LYPD6: variants seen among roughly 807,000 people sequenced by gnomAD.
LYPD6 encodes the protein ly6/PLAUR domain-containing protein 6.
In LYPD6, 15 loss-of-function variants were observed where a neutral mutation model predicts 22.7. That is an observed-to-expected ratio of 0.66 (90% CI 0.44 to 1.02). LYPD6 has a LOEUF of 1.02. LYPD6 is among the 50% of genes least tolerant of loss of function. The pLI, the probability that LYPD6 is intolerant of heterozygous loss-of-function variation, is 0.00. For synonymous variants in LYPD6, 72 were observed against 77.5 expected, an observed-to-expected ratio of 0.93 and a Z score of 0.37; for missense variants, 189 against 208.4, an observed-to-expected ratio of 0.91 and a Z score of 0.57.
At chr2:149,333,622 A>G (rs773688308) in intron 1 of LYPD6, among the ~76,000 whole-genome samples, 2 of 152,224 alleles carry the variant, frequency 1.3e-5, no homozygotes, top group African/African-American at 2.4e-5. Flanking sequence ...GCAATTGCCT[A>G]TTAGGTACCA....
intron 1 of LYPD6, among the ~76,000 whole-genome samples, chr2:149,369,049 G>C (rs1681743718): frequency 6.6e-6 from 1 of 152,090 alleles, no homozygotes; most frequent in Non-Finnish European, 1.5e-5. Flanking sequence ...GGTGAATGTG[G>C]AGGAGACCAC....
Position 149,472,789 on chromosome 2 carries a change from ATGT to A in LYPD6, c.*1943_*1945del, listed in dbSNP as rs1241288514. The A allele has an allele frequency of 6.6e-6, 1 of 152,626 alleles. No homozygotes were observed. Among genetic ancestry groups the A allele is most frequent in the African/African-American group, 2.4e-5 (1 of 41,450 alleles). The allele number at this position is 152,626 out of a possible 1,614,324, so 9.5% of individuals were successfully genotyped here. On this transcript the variant is annotated 3_prime_UTR_variant, in exon 5 of 5. Coordinates refer to ENST00000334166, the MANE Select transcript of LYPD6 (RefSeq NM_194317.5). ...ATGAAGGTACCAAAGCTCAAACGCAATGTTGTGAAGCTGTTTCCTTCAGATTTA... is the reference window on the plus strand; with the variant it reads ...ATGAAGGTACCAAAGCTCAAACGCAATGTGAAGCTGTTTCCTTCAGATTTA...
intron 1 of LYPD6, among the ~76,000 whole-genome samples, chr2:149,416,745 A>G (rs1188129004): frequency 1.3e-5 from 2 of 152,042 alleles, no homozygotes; most frequent in East Asian, 3.9e-4. Flanking sequence ...TGGAGACAGC[A>G]CCCCGTGGAG....
Position 149,449,050 on chromosome 2 carries a change from C to T in LYPD6, c.120C>T (p.Thr40=). Residue 40 remains threonine, a splice_region_variant and synonymous_variant, in exon 3 of 5, where the codon ACC becomes ACT. Transcript: ENST00000334166. ...TTTTCTCTTAATCCTTTTTTTTAGC[C>T]ACACCATATCCTGGTGGATTTAAAT... is the stretch of plus-strand genomic sequence containing the variant. ...VKDIIYLHPS[T]TPYPGGFKCF... is the part of the protein sequence containing the mutation. 6.2e-7 allele frequency: 1 copy of T among 1,606,168 alleles called. No homozygotes were observed. Among genetic ancestry groups the T allele is most frequent in the Non-Finnish European group, 8.5e-7 (1 of 1,175,982 alleles).
At chr2:149,358,539 A>C (rs1190943854) in intron 1 of LYPD6, among the ~76,000 whole-genome samples, 1 of 152,192 alleles carries the variant, frequency 6.6e-6, no homozygotes, top group Non-Finnish European at 1.5e-5. Flanking sequence ...ATAAAGCGGC[A>C]TGGGCAATTG....
chr2:149,378,754 C>A (rs1032585603), intron 1 of LYPD6, among the ~76,000 whole-genome samples: 1 of 152,138 alleles, frequency 6.6e-6, no homozygotes, highest in Non-Finnish European at 1.5e-5. Context: ...CACATGAAAA[C>A]TTCTCTCATG....
chr2:149,397,239 G>T (rs1024820311), intron 1 of LYPD6, among the ~76,000 whole-genome samples: 1 of 152,124 alleles, frequency 6.6e-6, no homozygotes, highest in Non-Finnish European at 1.5e-5. Flanking sequence ...TTGCTTGGGG[G>T]CTGTCATGGT....
chr2:149,437,049 G>A (rs1031615212), intron 1 of LYPD6, among the ~76,000 whole-genome samples: 1 of 152,162 alleles, frequency 6.6e-6, no homozygotes, highest in Non-Finnish European at 1.5e-5. Flanking sequence ...TACCTCATAC[G>A]GTTGCTGGGA....
At chr2:149,332,546 C>A (rs1357051602) in intron 1 of LYPD6, among the ~76,000 whole-genome samples, 1 of 152,184 alleles carries the variant, frequency 6.6e-6, no homozygotes, top group Admixed American at 6.5e-5. Context: ...TCTTTATCAT[C>A]CCCATTTCAC....
chr2:149,458,081 A>C (rs551503928), intron 3 of LYPD6, among the ~76,000 whole-genome samples: 80 of 152,352 alleles, frequency 5.3e-4, no homozygotes, highest in Non-Finnish European at 8.5e-4. Context: ...TATGGAAAAA[A>C]TTGTAGCCCC....
intron 1 of LYPD6, among the ~76,000 whole-genome samples, chr2:149,373,346 A>C (rs1266024759): frequency 6.6e-6 from 1 of 152,222 alleles, no homozygotes; most frequent in Non-Finnish European, 1.5e-5. Flanking sequence ...AGCTGAAGTT[A>C]TAAATTTGGG....
intron 1 of LYPD6, among the ~76,000 whole-genome samples, chr2:149,398,975 A>T (rs1682489261): frequency 6.6e-6 from 1 of 152,186 alleles, no homozygotes; most frequent in African/African-American, 2.4e-5. Flanking sequence ...AGGCAAAGGG[A>T]TGGCTGGGGA....
chr2:149,415,316 GGA>G (rs1473978870), intron 1 of LYPD6, among the ~76,000 whole-genome samples: 1 of 152,148 alleles, frequency 6.6e-6, no homozygotes, highest in Non-Finnish European at 1.5e-5. Flanking sequence ...CTCAGTTCCT[GGA>G]GAGAGAGCAG....
chr2:149,379,322 C>G (rs1026195640), intron 1 of LYPD6, among the ~76,000 whole-genome samples: 11 of 152,316 alleles, frequency 7.2e-5, no homozygotes, highest in Admixed American at 5.9e-4. Context: ...TGTGCATCAA[C>G]ACCTGCCTCA....
intron 1 of LYPD6, among the ~76,000 whole-genome samples, chr2:149,405,291 A>G (rs1213183661): frequency 2.0e-5 from 3 of 152,062 alleles, no homozygotes; most frequent in Non-Finnish European, 2.9e-5. Flanking sequence ...ATTGATTGGA[A>G]TAGTTTCAGA....
rs138915968 is a variant in LYPD6, at chr2:149,449,073, A to T, written c.143A>T (p.Lys48Ile). ...PSTTPYPGGFKCFTCEKAADN... is the reference protein window; with the variant it reads ...PSTTPYPGGFICFTCEKAADN... ...GCCACACCATATCCTGGTGGATTTA[A>T]ATGTTTCACCTGTGAAAAGGCAGCA... Residue 48 changes from lysine (K) to isoleucine (I), a missense_variant, in exon 3 of 5, where the codon AAA becomes ATA. Transcript: ENST00000334166. The T allele has an allele frequency of 6.2e-7, 1 of 1,613,428 alleles. No individual in the cohort carries two copies. Among genetic ancestry groups the T allele is most frequent in the Admixed American group, 1.7e-5 (1 of 59,960 alleles).
chr2:149,427,277 T>A (rs556168992), intron 1 of LYPD6, among the ~76,000 whole-genome samples: 17 of 152,348 alleles, frequency 1.1e-4, no homozygotes, highest in Non-Finnish European at 1.8e-4. Context: ...TTCCGCATTT[T>A]TGGAATATCT....
chr2:149,468,749 A>G lies in LYPD6; in HGVS notation c.322A>G (p.Arg108Gly), dbSNP rs1681263736. 6 of 1,613,484 alleles carry G rather than the reference A, an allele frequency of 3.7e-6. No homozygotes were observed. The African/African-American group carries it at 8.0e-5, about 22-fold the overall frequency. Residue 108 changes from arginine (R) to glycine (G), a missense_variant, in exon 4 of 5, where the codon AGA becomes GGA. Transcript: ENST00000334166. ...PLEECLSTGC[R>G]DSEHEGHKVC... The stretch of plus-strand genomic sequence containing the variant: ...GGAAGAGTGCTTATCCACTGGCTGC[A>G]GAGACTCCGAGCATGAAGGCCACAA...
chr2:149,420,465 A>G (rs906418044), intron 1 of LYPD6, among the ~76,000 whole-genome samples: 3 of 152,172 alleles, frequency 2.0e-5, no homozygotes, highest in African/African-American at 4.8e-5. Flanking sequence ...AGAGGCCTCA[A>G]GACATTTTCT....
Sources: allele counts gnomAD v4.1 joint callset (sites outside exome capture counted in the v4.1 genomes callset), GRCh38; gene constraint gnomAD v4.1.1; transcripts MANE v1.5; gene names NCBI Gene and HGNC (gene_info 2026-07-23, HGNC 2026-07-21).